The following SOX5 variants were observed in gnomAD, a reference collection of about 807,000 sequenced individuals.
The protein encoded by SOX5 is transcription factor SOX-5.
A neutral mutation model predicts 92.0 loss-of-function variants in SOX5; 9 were observed. The ratio of observed to expected loss-of-function variants is 0.10; its 90% CI spans 0.06 to 0.17. The LOEUF (loss-of-function observed/expected upper bound fraction) is 0.17. Among genes scored for constraint, SOX5 ranks in the 10% least tolerant of loss-of-function variants. The pLI, the probability that SOX5 is intolerant of heterozygous loss-of-function variation, is 1.00. For synonymous variants in SOX5, 344 were observed against 336.3 expected (o/e 1.02, Z -0.25); for missense variants, 642 against 944.5 (o/e 0.68, Z 4.20).
At chr12:24,540,793 G>C (rs1817742942) in intron 1 of SOX5, among the ~76,000 whole-genome samples, 1 of 152,100 alleles carries the variant, frequency 6.6e-6, no homozygotes, top group African/African-American at 2.4e-5. Flanking sequence ...ATAAATTATA[G>C]TGCAATCGTT....
At chr12:23,560,606 A>C (rs1946040118) in intron 11 of SOX5, among the ~76,000 whole-genome samples, 1 of 152,232 alleles carries the variant, frequency 6.6e-6, no homozygotes, top group African/African-American at 2.4e-5. Flanking sequence ...ATTTGATCCA[A>C]ACTGTAAGTT....
chr12:23,723,710 T>C (rs1247498762), intron 6 of SOX5, among the ~76,000 whole-genome samples: 2 of 151,854 alleles, frequency 1.3e-5, no homozygotes, highest in African/African-American at 4.8e-5. Flanking sequence ...GGTATGTATG[T>C]ATGAATACAC....
intron 4 of SOX5, among the ~76,000 whole-genome samples, chr12:24,155,076 C>T (rs1169115486): frequency 1.3e-5 from 2 of 152,066 alleles, no homozygotes; most frequent in Admixed American, 1.3e-4. Context: ...TCCTTGAAAA[C>T]AGGCATCATC....
intron 4 of SOX5, among the ~76,000 whole-genome samples, chr12:23,745,913 C>T (rs994508153): frequency 6.6e-5 from 10 of 152,072 alleles, no homozygotes; most frequent in Non-Finnish European, 1.2e-4. Flanking sequence ...CTACAGGTAA[C>T]GGTAAATAGC....
intron 4 of SOX5, among the ~76,000 whole-genome samples, chr12:24,062,089 A>G (rs1321933421): frequency 6.6e-6 from 1 of 152,232 alleles, no homozygotes; most frequent in Non-Finnish European, 1.5e-5. Context: ...CAGGGTGTAC[A>G]TATTGTAGGC....
chr12:24,000,352 C>G (rs887683258), intron 4 of SOX5, among the ~76,000 whole-genome samples: 11 of 151,642 alleles, frequency 7.3e-5, no homozygotes, highest in African/African-American at 2.2e-4. Flanking sequence ...GTACACAAAG[C>G]AATAATTATA....
At chr12:23,713,183 G>C (rs929659023) in intron 6 of SOX5, among the ~76,000 whole-genome samples, 4 of 151,814 alleles carry the variant, frequency 2.6e-5, no homozygotes, top group African/African-American at 4.8e-5. Context: ...CTAGAGTCAC[G>C]CATCTACAAG....
chr12:23,927,449 C>A (rs1940277123), intron 1 of SOX5, among the ~76,000 whole-genome samples: 1 of 152,046 alleles, frequency 6.6e-6, no homozygotes, highest in African/African-American at 2.4e-5. Flanking sequence ...TTTATATACA[C>A]ACATACATAC....
chr12:23,569,693 CAA>C (rs1947803387), intron 10 of SOX5, among the ~76,000 whole-genome samples: 2 of 152,212 alleles, frequency 1.3e-5, no homozygotes, highest in Non-Finnish European at 2.9e-5. Flanking sequence ...TCCTGTATCC[CAA>C]GTTTTTCTCT....
At chr12:24,001,360 G>A (rs1260240532) in intron 4 of SOX5, among the ~76,000 whole-genome samples, 5 of 151,900 alleles carry the variant, frequency 3.3e-5, no homozygotes, top group Non-Finnish European at 7.4e-5. Flanking sequence ...CCAAAGTGCT[G>A]GGATTACAAG....
chr12:23,895,898 A>G lies in SOX5; in HGVS notation c.165T>C (p.His55=), dbSNP rs61756180. Reference sequence around the variant, plus strand: ...AGTGAGGCTTGTTGGGAAAACTCACATGCAAGGGAAGGTGAAAGGCTGGGA... The same window carrying G: ...AGTGAGGCTTGTTGGGAAAACTCACGTGCAAGGGAAGGTGAAAGGCTGGGA... The part of the protein sequence containing the change: ...DGLPAFHLPL[H]VSFPNKPHSE... The change falls in exon 2 of 15, where the codon CAT becomes CAC. Residue 55 remains histidine (H), a synonymous_variant. Coordinates refer to ENST00000451604, the MANE Select transcript of SOX5 (RefSeq NM_006940.6). 10,051 of 1,614,068 alleles carry G rather than the reference A, an allele frequency of 6.2e-3. 41 individuals carry two copies. The highest frequency in any genetic ancestry group is 7.1e-3 in the Non-Finnish European group (8,357 of 1,179,934).
At chr12:23,950,979 A>ACG (rs916313370), upstream of SOX5, 38 of 41,448 alleles carry the variant, frequency 9.2e-4, no homozygotes, top group Non-Finnish European at 2.9e-3. Context: ...ACACGCATGC[A>ACG]CACACACACA....
At chr12:23,797,927 T>C (rs1197761335) in intron 3 of SOX5, among the ~76,000 whole-genome samples, 1 of 151,888 alleles carries the variant, frequency 6.6e-6, no homozygotes, top group African/African-American at 2.4e-5. Flanking sequence ...GGTCCTTTGT[T>C]TTTTTGTTTT....
intron 3 of SOX5, among the ~76,000 whole-genome samples, chr12:23,781,574 C>T (rs1054284018): frequency 3.9e-5 from 6 of 151,984 alleles, no homozygotes; most frequent in African/African-American, 9.7e-5. Context: ...GAAATGGTTT[C>T]AGGTAGACTA....
At chr12:23,961,109 C>A (rs1476586027) in intron 4 of SOX5, among the ~76,000 whole-genome samples, 2 of 151,998 alleles carry the variant, frequency 1.3e-5, no homozygotes, top group Admixed American at 1.3e-4. Context: ...TTTCAGATGC[C>A]TGAAAGTTAC....
At chr12:24,327,284 C>T (rs1787788500) in intron 2 of SOX5, among the ~76,000 whole-genome samples, 1 of 149,160 alleles carries the variant, frequency 6.7e-6, no homozygotes, top group Non-Finnish European at 1.5e-5. Flanking sequence ...TTGAGTTATC[C>T]CAGTGTTTCC....
chr12:24,398,736 A>T (rs1960714955), intron 1 of SOX5, among the ~76,000 whole-genome samples: 2 of 152,230 alleles, frequency 1.3e-5, no homozygotes. Context: ...CTATGCATTG[A>T]TAAACCCACA....
chr12:23,859,176 T>C (rs955208900), intron 2 of SOX5, among the ~76,000 whole-genome samples: 2 of 152,182 alleles, frequency 1.3e-5, no homozygotes, highest in Admixed American at 1.3e-4. Flanking sequence ...AAGGTCTGGC[T>C]GCCTGTGGGG....
At chr12:23,889,587 T>C (rs1016706382) in intron 2 of SOX5, among the ~76,000 whole-genome samples, 2 of 152,192 alleles carry the variant, frequency 1.3e-5, no homozygotes, top group African/African-American at 2.4e-5. Context: ...CTCTCTATCA[T>C]GTGCATTGAA....
Sources: gnomAD v4.1 joint callset for allele counts (sites outside exome capture counted in the v4.1 genomes callset) on GRCh38, gnomAD v4.1.1 for gene constraint, MANE v1.5 for transcripts, NCBI Gene and HGNC (gene_info 2026-07-23, HGNC 2026-07-21) for gene names.